The following PUM1 variants were observed in gnomAD, a reference collection of about 807,000 sequenced individuals.
The protein encoded by PUM1 is pumilio homolog 1.
PUM1 carries 13 observed loss-of-function variants against 131.8 expected under a neutral mutation model. That is an observed-to-expected ratio of 0.10 (90% CI 0.06 to 0.16). PUM1 has a LOEUF of 0.16. PUM1 is among the 10% of genes least tolerant of loss of function. PUM1 has a pLI of 1.00. For synonymous variants in PUM1, 509 were observed against 556.5 expected (o/e 0.91, Z 1.20); for missense variants, 961 against 1,512.4 (o/e 0.64, Z 6.05).
At chr1:31,018,458 C>T (rs1254968808) in intron 3 of PUM1, among the ~76,000 whole-genome samples, 2 of 151,844 alleles carry the variant, frequency 1.3e-5, no homozygotes, top group African/African-American at 2.4e-5. Context: ...GAGTTCGAGA[C>T]CCAGCCTAAC....
rs78983455 is a variant in PUM1 at position 31,011,505 on chromosome 1, A to G, written c.433-4403T>C. Among the ~76,000 whole-genome samples, 640 of 152,342 alleles carry G rather than the reference A, an allele frequency of 4.2e-3. 3 individuals carry two copies. The highest frequency in any genetic ancestry group is 0.015 in the African/African-American group (619 of 41,570). On this transcript the variant is annotated intron_variant, in intron 3 of 21. Coordinates refer to ENST00000426105, the MANE Select transcript of PUM1 (RefSeq NM_001020658.2). ...TTCAACAGTCAGCTAAAAGATACCT[A>G]ACTGTTCAAATCTGATCATATTAAA...
intron 2 of PUM1, among the ~76,000 whole-genome samples, chr1:31,030,110 G>A (rs1006573119): frequency 5.3e-5 from 8 of 151,914 alleles, no homozygotes; most frequent in Admixed American, 5.2e-4. Flanking sequence ...TCAGGAGGTT[G>A]AGGTGGGAGA....
At chr1:31,044,954 C>T (rs1397822822) in intron 2 of PUM1, among the ~76,000 whole-genome samples, 1 of 152,142 alleles carries the variant, frequency 6.6e-6, no homozygotes, top group Non-Finnish European at 1.5e-5. Context: ...GGATTAAAGG[C>T]ATGCGCCACC....
intron 2 of PUM1, among the ~76,000 whole-genome samples, chr1:31,048,525 A>T (rs1644026298): frequency 6.7e-6 from 1 of 149,426 alleles, no homozygotes; most frequent in African/African-American, 2.5e-5. Flanking sequence ...CCCAGGCTGG[A>T]GTGCAATGGT....
At chr1:30,984,474 G>GT (rs1641471312) in intron 7 of PUM1, among the ~76,000 whole-genome samples, 2 of 152,308 alleles carry the variant, frequency 1.3e-5, no homozygotes, top group Admixed American at 6.5e-5. Context: ...ACAAAATACT[G>GT]TGAGTTGGGG....
rs375044466 is a variant in PUM1 at position 31,009,782 on chromosome 1, A to AAAAAAAAAAAAC, written c.433-2681_433-2680insGTTTTTTTTTTT. On this transcript the variant is annotated intron_variant, in intron 3 of 21. Transcript: ENST00000426105. Reference sequence around the variant, plus strand: ...GACTCTGTCTCAAAAAAAAAAAAAAAAAAAACAAAAACAGAAACAAAAAAA... The same window carrying AAAAAAAAAAAAC: ...GACTCTGTCTCAAAAAAAAAAAAAAAAAAAAAAAAAACAAAAACAAAAACAGAAACAAAAAAA... 1.1e-3 allele frequency among the ~76,000 whole-genome samples: 143 copies of AAAAAAAAAAAAC among 125,320 alleles called. 2 individuals carry two copies. The highest frequency in any genetic ancestry group is 4.4e-3 in the Middle Eastern group (1 of 226). 82.2% of individuals were successfully genotyped at this position (125,320 alleles called of 152,430 possible).
In PUM1 at chr1:31,025,852, G is replaced by A. The variant is rs888914059; in HGVS notation, c.432+2944C>T. Among the ~76,000 whole-genome samples, 10 of 150,880 alleles carry A rather than the reference G, an allele frequency of 6.6e-5. 1 individual carries two copies. Among genetic ancestry groups the A allele is most frequent in the African/African-American group, 7.3e-5 (3 of 41,134 alleles). On this transcript the variant is annotated intron_variant, in intron 3 of 21. Coordinates refer to ENST00000426105, the MANE Select transcript of PUM1 (RefSeq NM_001020658.2). ...ATTCCAGGCGTGAGCCACCACGCCC[G>A]GCCAGTAAATACTGTATTTATACAC...
intron 2 of PUM1, chr1:31,036,796 AACTTAC>A (rs1189638143): frequency 6.5e-6 from 1 of 153,498 alleles, no homozygotes; most frequent in African/African-American, 2.4e-5. Flanking sequence ...CGAGGCAAAG[AACTTAC>A]ATCAAGACCA....
intron 18 of PUM1, among the ~76,000 whole-genome samples, chr1:30,943,065 A>G (rs1639524308): frequency 6.6e-6 from 1 of 152,104 alleles, no homozygotes; most frequent in Non-Finnish European, 1.5e-5. Context: ...CTTATGTGTG[A>G]CTTTATACAT....
chr1:30,950,674 A>G (rs1639896777), intron 16 of PUM1, among the ~76,000 whole-genome samples: 1 of 152,254 alleles, frequency 6.6e-6, no homozygotes, highest in Non-Finnish European at 1.5e-5. Flanking sequence ...AGCCTCGCCA[A>G]CATGGCAAAA....
chr1:31,000,936 C>T (rs1642186573), intron 5 of PUM1, among the ~76,000 whole-genome samples: 1 of 151,874 alleles, frequency 6.6e-6, no homozygotes, highest in Admixed American at 6.6e-5. Flanking sequence ...CCTGTAATCC[C>T]AGCACTTTGG....
Position 31,065,671 on chromosome 1 carries a change from G to C in PUM1, c.-67C>G. 1.3e-6 allele frequency: 2 copies of C among 1,549,670 alleles called. No homozygotes were observed. The highest frequency in any genetic ancestry group is 1.7e-6 in the Non-Finnish European group (2 of 1,146,814). On this transcript the variant is annotated 5_prime_UTR_variant, in exon 1 of 22. Transcript: ENST00000426105. Reference sequence around the variant, plus strand: ...AGCCCCCCGATCTTCTCTCTCTGGCGCTCTCGCTCCCCCTTACCTTTCACT... The same window carrying C: ...AGCCCCCCGATCTTCTCTCTCTGGCCCTCTCGCTCCCCCTTACCTTTCACT...
intron 4 of PUM1, among the ~76,000 whole-genome samples, chr1:31,006,518 G>A (rs1309739921): frequency 6.6e-6 from 1 of 152,110 alleles, no homozygotes; most frequent in African/African-American, 2.4e-5. Flanking sequence ...CTGTCAGTGT[G>A]TCTGCCTCTA....
chr1:31,055,392 G>A (rs1267921422), intron 2 of PUM1: 7 of 456,110 alleles, frequency 1.5e-5, no homozygotes, highest in Non-Finnish European at 2.6e-5. Context: ...TGGAAAAGGG[G>A]CATGAAAAAC....
intron 17 of PUM1, among the ~76,000 whole-genome samples, chr1:30,948,741 C>A (rs143755607): frequency 6.6e-6 from 1 of 152,098 alleles, no homozygotes; most frequent in South Asian, 2.1e-4. Flanking sequence ...CAGAGTGAGA[C>A]CTTGTCTCCA....
chr1:31,048,610 G>A (rs1258399211), intron 2 of PUM1, among the ~76,000 whole-genome samples: 2 of 151,672 alleles, frequency 1.3e-5, no homozygotes, highest in African/African-American at 4.8e-5. Context: ...AAGTAGCTGG[G>A]ACTACAGGCG....
At chr1:30,940,624 AC>A (rs1377586753) in intron 20 of PUM1, among the ~76,000 whole-genome samples, 5 of 152,224 alleles carry the variant, frequency 3.3e-5, no homozygotes, top group African/African-American at 1.2e-4. Flanking sequence ...TTCTCAGAAG[AC>A]TATACCACTA....
At chr1:31,006,842 CAT>C in intron 4 of PUM1, 150 bp downstream of exon 4, 1 of 580,646 alleles carries the variant, frequency 1.7e-6, no homozygotes, top group South Asian at 2.5e-5. Flanking sequence ...TAAATTACAT[CAT>C]ATAAGCTCCT....
At chr1:30,951,800 C>T (rs1488694773) in intron 16 of PUM1, among the ~76,000 whole-genome samples, 1 of 152,176 alleles carries the variant, frequency 6.6e-6, no homozygotes, top group Non-Finnish European at 1.5e-5. Flanking sequence ...TCTTGTGACC[C>T]TAGCTGATAA....
Sources: allele counts gnomAD v4.1 joint callset (sites outside exome capture counted in the v4.1 genomes callset), GRCh38; gene constraint gnomAD v4.1.1; transcripts MANE v1.5; gene names NCBI Gene and HGNC (gene_info 2026-07-23, HGNC 2026-07-21).